SERINC5: variants seen among roughly 807,000 people sequenced by gnomAD.
The protein encoded by SERINC5 is chromosome 5 open reading frame 12.
A neutral mutation model predicts 63.1 loss-of-function variants in SERINC5; 41 were observed. That is an observed-to-expected ratio of 0.65 (90% CI 0.51 to 0.84). The LOEUF (loss-of-function observed/expected upper bound fraction) is 0.84. Ranked by LOEUF, SERINC5 falls within the 40% of genes least tolerant of loss-of-function variation. SERINC5 has a pLI of 0.00. For missense variants in SERINC5, 523 were observed against 573.0 expected (o/e 0.91, Z 0.89); for synonymous variants, 222 against 215.2 (o/e 1.03, Z -0.28).
intron 1 of SERINC5, among the ~76,000 whole-genome samples, chr5:80,222,141 T>C: frequency 6.6e-6 from 1 of 151,684 alleles, no homozygotes; most frequent in Non-Finnish European, 1.5e-5. Context: ...AAGTGAGACT[T>C]TGTCTCAAAT....
intron 7 of SERINC5, among the ~76,000 whole-genome samples, chr5:80,166,126 T>C (rs112319712): frequency 0.031 from 4,670 of 152,314 alleles, 115 homozygotes; most frequent in South Asian, 0.073. Context: ...TATACTCTTT[T>C]AGTTATTTTT....
rs530078329 is a variant in SERINC5, at chr5:80,143,401, T to C, written c.*262A>G. On this transcript the variant is annotated 3_prime_UTR_variant, in exon 12 of 12. Transcript: ENST00000507668. ...AAAAACATGCAGAAGGAAGTCAACATAACTGGTATCCAGTTCCTAGGGGTA... is the reference window on the plus strand; with the variant it reads ...AAAAACATGCAGAAGGAAGTCAACACAACTGGTATCCAGTTCCTAGGGGTA... The C allele has an allele frequency of 8.4e-7, 1 of 1,184,276 alleles. No homozygotes were observed. The highest frequency in any genetic ancestry group is 1.0e-6 in the Non-Finnish European group (1 of 956,834). The allele number at this position is 1,184,276 out of a possible 1,614,324, so 73.4% of individuals were successfully genotyped here.
intron 2 of SERINC5, among the ~76,000 whole-genome samples, chr5:80,178,674 C>T (rs879832932): frequency 6.7e-6 from 1 of 150,156 alleles, no homozygotes; most frequent in Non-Finnish European, 1.5e-5. Flanking sequence ...TGAACCACTG[C>T]ACCTGGCCTA....
At chr5:80,173,217 G>GGAAGGAAA (rs1265862035) in intron 5 of SERINC5, among the ~76,000 whole-genome samples, 1 of 137,738 alleles carries the variant, frequency 7.3e-6, no homozygotes, top group African/African-American at 2.8e-5. Flanking sequence ...AGGAAAGGCA[G>GGAAGGAAA]GAAGGAAAGA....
intron 2 of SERINC5, among the ~76,000 whole-genome samples, chr5:80,182,571 T>C (rs1748522605): frequency 1.5e-5 from 2 of 137,014 alleles, no homozygotes; most frequent in Non-Finnish European, 1.5e-5. Flanking sequence ...TTTTTTTTAA[T>C]TGAGACCTCT....
intron 1 of SERINC5, among the ~76,000 whole-genome samples, chr5:80,245,582 A>G (rs1752132971): frequency 6.6e-6 from 1 of 151,616 alleles, no homozygotes; most frequent in Admixed American, 6.6e-5. Flanking sequence ...TCTGAACTTC[A>G]TTATTCTAGG....
chr5:80,144,067 A>G (rs1242195244), intron 11 of SERINC5, among the ~76,000 whole-genome samples: 1 of 148,504 alleles, frequency 6.7e-6, no homozygotes, highest in Non-Finnish European at 1.5e-5. Flanking sequence ...TTCTGCCTCT[A>G]TGAATTTGCC....
rs1561422396 is a variant in SERINC5, at chr5:80,202,924, T to C, written c.157A>G (p.Met53Val). Residue 53 changes from methionine (M) to valine (V), a missense_variant, in exon 2 of 12, where the codon ATG (methionine) becomes GTG (valine). Coordinates refer to ENST00000507668, the MANE Select transcript of SERINC5 (RefSeq NM_001174072.3). The part of the protein sequence containing the change: ...FILVVVLCCI[M>V]MSTTVAHKMK... ...TTGTGAGCCACGGTTGTTGACATCA[T>C]GATGCAGCAGAGGACGACGACCAGA... 6.2e-7 allele frequency: 1 copy of C among 1,612,686 alleles called. No individual in the cohort carries two copies. Among genetic ancestry groups the C allele is most frequent in the African/African-American group, 1.3e-5 (1 of 75,000 alleles).
intron 9 of SERINC5, among the ~76,000 whole-genome samples, chr5:80,147,617 T>G (rs966651702): frequency 6.6e-6 from 1 of 152,204 alleles, no homozygotes; most frequent in African/African-American, 2.4e-5. Flanking sequence ...CTCCTAGGGT[T>G]AGGGAGGCTT....
intron 1 of SERINC5, among the ~76,000 whole-genome samples, chr5:80,230,797 C>CTT (rs1209200282): frequency 3.9e-5 from 5 of 128,452 alleles, no homozygotes; most frequent in East Asian, 2.3e-4. Flanking sequence ...TTCTTTCTTT[C>CTT]TCTCTCTCTC....
chr5:80,117,965 G>A (rs537802005), intron 11 of SERINC5, among the ~76,000 whole-genome samples: 65 of 151,576 alleles, frequency 4.3e-4, no homozygotes, highest in Non-Finnish European at 5.6e-4. Flanking sequence ...CATGTTGGGA[G>A]GCCGAGGTGG....
intron 1 of SERINC5, among the ~76,000 whole-genome samples, chr5:80,246,388 A>G (rs1247899808): frequency 1.3e-5 from 2 of 152,214 alleles, no homozygotes; most frequent in Non-Finnish European, 1.5e-5. Context: ...ATACTTAAAC[A>G]CAAGTCTGAT....
At chr5:80,188,650 C>A (rs1016515170) in intron 2 of SERINC5, among the ~76,000 whole-genome samples, 6 of 152,116 alleles carry the variant, frequency 3.9e-5, no homozygotes, top group African/African-American at 1.4e-4. Flanking sequence ...CTTTGAGAGG[C>A]CAAGGCAGGA....
At chr5:80,189,706 CT>C (rs1052118443) in intron 2 of SERINC5, among the ~76,000 whole-genome samples, 3 of 151,448 alleles carry the variant, frequency 2.0e-5, no homozygotes, top group African/African-American at 7.3e-5. Flanking sequence ...CTGCTAGTTT[CT>C]TTTTTTTTCT....
intron 1 of SERINC5, among the ~76,000 whole-genome samples, chr5:80,251,317 TACATAC>T (rs2112617101): frequency 6.8e-6 from 1 of 146,904 alleles, no homozygotes; most frequent in Admixed American, 6.7e-5. Flanking sequence ...CATACATACA[TACATAC>T]ATACATACAT....
chr5:80,225,931 C>G (rs1227236350), intron 1 of SERINC5, among the ~76,000 whole-genome samples: 1 of 152,158 alleles, frequency 6.6e-6, no homozygotes, highest in Non-Finnish European at 1.5e-5. Flanking sequence ...GGAGATCCTT[C>G]TACCCAGCAC....
intron 2 of SERINC5, among the ~76,000 whole-genome samples, chr5:80,182,992 G>A (rs771011391): frequency 1.2e-4 from 19 of 152,182 alleles, no homozygotes; most frequent in Non-Finnish European, 2.8e-4. Context: ...AGGGCCAGGT[G>A]CATGCCAGAC....
chr5:80,234,259 A>G (rs1462713982), intron 1 of SERINC5, among the ~76,000 whole-genome samples: 1 of 152,194 alleles, frequency 6.6e-6, no homozygotes, highest in Non-Finnish European at 1.5e-5. Context: ...AGCACTTGAC[A>G]AAGACTGATC....
At chr5:80,235,088 C>T (rs1751624816) in intron 1 of SERINC5, among the ~76,000 whole-genome samples, 1 of 152,152 alleles carries the variant, frequency 6.6e-6, no homozygotes, top group South Asian at 2.1e-4. Flanking sequence ...AGTTCTCCCT[C>T]CTACCTCCTC....
Sources: allele counts gnomAD v4.1 joint callset (sites outside exome capture counted in the v4.1 genomes callset), GRCh38; gene constraint gnomAD v4.1.1; transcripts MANE v1.5; gene names NCBI Gene and HGNC (gene_info 2026-07-23, HGNC 2026-07-21).